The following CELF4 variants were observed in gnomAD, a reference collection of about 807,000 sequenced individuals.
CELF4 encodes the protein CUG-BP- and ETR-3-like factor 4.
Under a neutral mutation model 59.9 loss-of-function variants are expected in CELF4, and 18 were observed. The ratio of observed to expected loss-of-function variants is 0.30; its 90% CI spans 0.21 to 0.45. The LOEUF (loss-of-function observed/expected upper bound fraction) is 0.45, where lower values mean the gene tolerates loss of function less well. Among genes scored for constraint, CELF4 ranks in the 20% least tolerant of loss-of-function variants. The pLI is 1.00. For missense variants in CELF4, 456 were observed against 689.0 expected (o/e 0.66, Z 3.79); for synonymous variants, 261 against 267.1 (o/e 0.98, Z 0.22).
Position 37,397,110 on chromosome 18 carries a change from C to G in CELF4, c.370-75229G>C, listed in dbSNP as rs184268034. Among the ~76,000 whole-genome samples the G allele has an allele frequency of 6.2e-4, 94 of 152,258 alleles. No individual in the cohort carries two copies. The East Asian group carries it at 0.017, about 27-fold the overall frequency. Reference sequence around the variant, plus strand: ...ATGTCACTGCCTTTGTCACCCCCAGCTCCCCACAAACCCTCATGCCTCCCA... The same window carrying G: ...ATGTCACTGCCTTTGTCACCCCCAGGTCCCCACAAACCCTCATGCCTCCCA... On this transcript the variant is annotated intron_variant, in intron 2 of 12. Transcript: ENST00000420428.
intron 2 of CELF4, among the ~76,000 whole-genome samples, chr18:37,465,011 GAA>G (rs1253127910): frequency 6.6e-6 from 1 of 152,090 alleles, no homozygotes; most frequent in East Asian, 1.9e-4. Context: ...CTGCTTCCGG[GAA>G]AGTCTCTTAA....
At chr18:37,527,772 T>C (rs1205712395) in intron 1 of CELF4, among the ~76,000 whole-genome samples, 1 of 152,200 alleles carries the variant, frequency 6.6e-6, no homozygotes, top group African/African-American at 2.4e-5. Flanking sequence ...TTTCCACACA[T>C]GCTTTACCTC....
chr18:37,278,157 AG>A (rs2093628447), intron 3 of CELF4, among the ~76,000 whole-genome samples: 1 of 151,764 alleles, frequency 6.6e-6, no homozygotes, highest in Non-Finnish European at 1.5e-5. Context: ...TGCAGTTCTC[AG>A]TTAAGCGCCT....
At position 37,460,220 on chromosome 18, in the gene CELF4, GA is replaced by G. The variant is rs2099789837; in HGVS notation, c.369+25304del. Among the ~76,000 whole-genome samples the G allele has an allele frequency of 2.6e-5, 4 of 152,262 alleles. No individual in the cohort carries two copies. In the South Asian group the frequency reaches 8.3e-4, roughly 32 times the overall value. Reference sequence around the variant, plus strand: ...TCTGTACTTAGGAAGTCTGTGATATGAAAACTCAAGTCCAGAGATGATCACC... The same window carrying G: ...TCTGTACTTAGGAAGTCTGTGATATGAAACTCAAGTCCAGAGATGATCACC... On this transcript the variant is annotated intron_variant, in intron 2 of 12. Coordinates refer to ENST00000420428, the MANE Select transcript of CELF4 (RefSeq NM_020180.4).
intron 1 of CELF4, among the ~76,000 whole-genome samples, chr18:37,533,122 C>T (rs1401771632): frequency 6.6e-6 from 1 of 152,256 alleles, no homozygotes; most frequent in Non-Finnish European, 1.5e-5. Context: ...GATACCATGC[C>T]CTTGAGTTTC....
intron 1 of CELF4, among the ~76,000 whole-genome samples, chr18:37,560,851 G>A (rs371484352): frequency 3.9e-5 from 6 of 152,074 alleles, no homozygotes; most frequent in African/African-American, 9.7e-5. Context: ...AAAGTCAAGC[G>A]GTGGAAATTC....
At chr18:37,375,857 C>T (rs1179699919) in intron 2 of CELF4, among the ~76,000 whole-genome samples, 1 of 152,136 alleles carries the variant, frequency 6.6e-6, no homozygotes, top group East Asian at 1.9e-4. Flanking sequence ...CTCCCCGGTC[C>T]CAGACCCTGG....
chr18:37,352,554 T>C (rs2098463554), intron 2 of CELF4, among the ~76,000 whole-genome samples: 2 of 150,768 alleles, frequency 1.3e-5, no homozygotes, highest in African/African-American at 2.4e-5. Flanking sequence ...GATTGCACCA[T>C]GGCACTCCAA....
intron 2 of CELF4, among the ~76,000 whole-genome samples, chr18:37,420,739 G>T (rs2099573099): frequency 6.6e-6 from 1 of 152,188 alleles, no homozygotes. Context: ...CAGGCTTCCT[G>T]CATCCCACAG....
chr18:37,526,823 C>T (rs2099964355), intron 1 of CELF4, among the ~76,000 whole-genome samples: 1 of 152,090 alleles, frequency 6.6e-6, no homozygotes, highest in South Asian at 2.1e-4. Context: ...AATCCCAACT[C>T]TGCCCTTCGT....
intron 2 of CELF4, among the ~76,000 whole-genome samples, chr18:37,409,211 GA>G (rs1400657165): frequency 1.3e-5 from 2 of 152,212 alleles, no homozygotes; most frequent in Non-Finnish European, 2.9e-5. Flanking sequence ...TGGGAGGACT[GA>G]CCAAAACCTG....
At chr18:37,557,641 G>C (rs1053177131) in intron 1 of CELF4, among the ~76,000 whole-genome samples, 1 of 152,140 alleles carries the variant, frequency 6.6e-6, no homozygotes. Context: ...AAGTAACATC[G>C]CGGTCAGTTT....
intron 3 of CELF4, among the ~76,000 whole-genome samples, chr18:37,321,504 G>A (rs1023782313): frequency 6.6e-6 from 1 of 152,222 alleles, no homozygotes; most frequent in Admixed American, 6.5e-5. Flanking sequence ...ACATCGAGGT[G>A]GGCACACCCT....
At chr18:37,448,578 C>T (rs528959814) in intron 2 of CELF4, among the ~76,000 whole-genome samples, 1 of 152,252 alleles carries the variant, frequency 6.6e-6, no homozygotes, top group East Asian at 1.9e-4. Context: ...CCACCCTTTC[C>T]GTCTTGCGCA....
intron 1 of CELF4, among the ~76,000 whole-genome samples, chr18:37,543,485 C>T (rs1478264425): frequency 2.0e-5 from 3 of 152,152 alleles, no homozygotes; most frequent in Non-Finnish European, 2.9e-5. Flanking sequence ...TGTGTTACCT[C>T]CCCATGAGTG....
chr18:37,357,473 G>A lies in CELF4; in HGVS notation c.370-35592C>T, dbSNP rs534312628. 1.0e-3 allele frequency among the ~76,000 whole-genome samples: 157 copies of A among 152,346 alleles called. 1 individual carries two copies. In the South Asian group the frequency reaches 0.028, roughly 28 times the overall value. ...TATGGAAACGCGTGGATGCCCAGGCGGAAGTTTGCTGTAGGGATGGGGTCC... is the reference window on the plus strand; with the variant it reads ...TATGGAAACGCGTGGATGCCCAGGCAGAAGTTTGCTGTAGGGATGGGGTCC... On this transcript the variant is annotated intron_variant, in intron 2 of 12. Coordinates refer to ENST00000420428, the MANE Select transcript of CELF4 (RefSeq NM_020180.4).
chr18:37,371,255 A>C (rs2098868721), intron 2 of CELF4, among the ~76,000 whole-genome samples: 1 of 152,218 alleles, frequency 6.6e-6, no homozygotes, highest in South Asian at 2.1e-4. Context: ...AACCAACATT[A>C]TCTTTAGCCA....
rs1226156268 is a variant in CELF4, at chr18:37,472,478, T to C, written c.369+13047A>G. Among the ~76,000 whole-genome samples, 9 of 152,136 alleles carry C rather than the reference T, an allele frequency of 5.9e-5. No homozygotes were observed. The East Asian group carries it at 1.7e-3, about 29-fold the overall frequency. ...GGAGACAGAATCACTGAAGCAAGAG[T>C]GGCAGCTGTAGAGAAACTGTCATTG... On this transcript the variant is annotated intron_variant, in intron 2 of 12. Transcript: ENST00000420428.
At chr18:37,281,601 G>A (rs2154382733) in intron 3 of CELF4, among the ~76,000 whole-genome samples, 1 of 152,306 alleles carries the variant, frequency 6.6e-6, no homozygotes, top group African/African-American at 2.4e-5. Flanking sequence ...GAGACCTGGA[G>A]GCTCAAAGGC....
Sources: allele counts gnomAD v4.1 joint callset (sites outside exome capture counted in the v4.1 genomes callset), GRCh38; gene constraint gnomAD v4.1.1; transcripts MANE v1.5; gene names NCBI Gene and HGNC (gene_info 2026-07-23, HGNC 2026-07-21).